Variants in ZNF248 observed in about 807,000 individuals in gnomAD.
ZNF248 encodes the protein zinc finger protein 248, also known as KRAB protein domain.
In ZNF248, 20 loss-of-function variants were observed where a neutral mutation model predicts 44.3. That is an observed-to-expected ratio of 0.45 (90% CI 0.32 to 0.66). The LOEUF (loss-of-function observed/expected upper bound fraction) is 0.66, where lower values mean the gene tolerates loss of function less well. ZNF248 is among the 30% of genes least tolerant of loss of function. The probability of loss-of-function intolerance (pLI) is 0.04; values close to 1 mark genes in which losing one functional copy is unlikely to be tolerated. For missense variants in ZNF248, 654 were observed against 677.0 expected (o/e 0.97, Z 0.38); for synonymous variants, 224 against 229.0 (o/e 0.98, Z 0.20).
At chr10:37,811,108 A>G (rs2051420443) in intron 6 of ZNF248, among the ~76,000 whole-genome samples, 3 of 152,248 alleles carry the variant, frequency 2.0e-5, no homozygotes, top group African/African-American at 7.2e-5. Flanking sequence ...AAGTGCTCCC[A>G]AGAAGCAGAG....
rs546015758 is a variant in ZNF248 at position 37,831,205 on chromosome 10, C to T, written c.*410G>A. On this transcript the variant is annotated 3_prime_UTR_variant, in exon 6 of 6. Transcript: ENST00000395867. Reference sequence around the variant, plus strand: ...AGTTCCAATATACAAATCAAGCATACTCAAATTTATATATTTGCATACTCA... The same window carrying T: ...AGTTCCAATATACAAATCAAGCATATTCAAATTTATATATTTGCATACTCA... The T allele has an allele frequency of 1.9e-6, 3 of 1,542,600 alleles. No homozygotes were observed. Among genetic ancestry groups the T allele is most frequent in the East Asian group, 2.5e-5 (1 of 40,668 alleles).
At chr10:37,775,431 T>A (rs961526365), downstream of ZNF248, 2 of 152,140 alleles carry the variant, frequency 1.3e-5, no homozygotes, top group Non-Finnish European at 2.9e-5. Context: ...GGGGTGGTCA[T>A]GCGAGATCTG....
At chr10:37,808,593 A>G (rs1321788309) in intron 6 of ZNF248, among the ~76,000 whole-genome samples, 1 of 152,068 alleles carries the variant, frequency 6.6e-6, no homozygotes, top group Non-Finnish European at 1.5e-5. Flanking sequence ...CTGGTACACA[A>G]TCTTTTCAAC....
chr10:37,788,842 C>G (rs2048183676), intron 6 of ZNF248, among the ~76,000 whole-genome samples: 1 of 151,540 alleles, frequency 6.6e-6, no homozygotes, highest in African/African-American at 2.4e-5. Context: ...GTTAGACATA[C>G]AAGACTAAAT....
In ZNF248 at chr10:37,829,523, C is replaced by T; in HGVS notation, c.*2092G>A. On this transcript the variant is annotated 3_prime_UTR_variant, in exon 6 of 6. Transcript: ENST00000395867. ...ATATTCCTCTGTGTCAGCTGGAATG[C>T]CTTCAGCTCTAAGTATCAGACAGCC... is the stretch of plus-strand genomic sequence containing the variant. The T allele has an allele frequency of 1.0e-6, 1 of 985,348 alleles. No homozygotes were observed. The highest frequency in any genetic ancestry group is 1.2e-6 in the Non-Finnish European group (1 of 829,918). 61.0% of individuals were successfully genotyped at this position (985,348 alleles called of 1,614,324 possible).
chr10:37,828,043 G>A (rs2133799547), downstream of ZNF248, among the ~76,000 whole-genome samples: 2 of 152,276 alleles, frequency 1.3e-5, no homozygotes, highest in South Asian at 4.1e-4. Context: ...GTGCACTGGG[G>A]GATAAACTGT....
At chr10:37,810,896 T>C (rs957185590) in intron 6 of ZNF248, among the ~76,000 whole-genome samples, 4 of 152,204 alleles carry the variant, frequency 2.6e-5, no homozygotes, top group Middle Eastern at 3.2e-3. Context: ...CCTGTTGCTA[T>C]TGTGGTGAGC....
rs192683138 is a variant in ZNF248 at position 37,845,750 on chromosome 10, G to T, written c.16-7639C>A. ...AGCCTAGAAATGAAGGGGGATAAAT[G>T]GAGTCAACATGTTTCAAAGTTACAG... On this transcript the variant is annotated intron_variant, in intron 3 of 5. Coordinates refer to ENST00000395867, the MANE Select transcript of ZNF248 (RefSeq NM_021045.3). Among the ~76,000 whole-genome samples the T allele has an allele frequency of 2.6e-3, 395 of 152,122 alleles. 2 individuals carry two copies. The highest frequency in any genetic ancestry group is 8.8e-3 in the African/African-American group (367 of 41,510).
chr10:37,796,605 G>A (rs1032445756), intron 6 of ZNF248, among the ~76,000 whole-genome samples: 8 of 151,830 alleles, frequency 5.3e-5, no homozygotes, highest in African/African-American at 1.7e-4. Flanking sequence ...TATGAGTGCT[G>A]ATATAGTCAT....
the ZNF248 span, among the ~76,000 whole-genome samples, chr10:37,761,082 T>C: frequency 6.6e-6 from 1 of 152,180 alleles, no homozygotes; most frequent in African/African-American, 2.4e-5. Context: ...AATGTCCATA[T>C]GGTAACTTTT....
chr10:37,839,691 G>A (rs1370095054), intron 3 of ZNF248, among the ~76,000 whole-genome samples: 1 of 152,086 alleles, frequency 6.6e-6, no homozygotes, highest in Non-Finnish European at 1.5e-5. Flanking sequence ...AAAACTGAGA[G>A]GAGTAAAAGG....
chr10:37,852,317 A>C (rs999413669), intron 3 of ZNF248, among the ~76,000 whole-genome samples: 2 of 152,144 alleles, frequency 1.3e-5, no homozygotes, highest in African/African-American at 2.4e-5. Context: ...TGAACTGTTG[A>C]CACATATACA....
chr10:37,778,098 G>A (rs2046814212), intron 6 of ZNF248, among the ~76,000 whole-genome samples: 1 of 152,102 alleles, frequency 6.6e-6, no homozygotes, highest in South Asian at 2.1e-4. Context: ...CTAGATCCCT[G>A]AGGAATCGCC....
In ZNF248 at chr10:37,831,649, A is replaced by G; in HGVS notation, c.1706T>C (p.Ile569Thr). The change falls in exon 6 of 6, where the codon ATT becomes ACT. Residue 569 changes from isoleucine to threonine, a missense_variant. Ile to Thr is a moderately conservative substitution (Grantham distance 89). Transcript: ENST00000395867. Reference sequence around the variant, plus strand: ...TGAAAGAGCTTTCACCCTTGTGTGAATTCTCTGATGTTTGGTGAGCACTGA... The same window carrying G: ...TGAAAGAGCTTTCACCCTTGTGTGAGTTCTCTGATGTTTGGTGAGCACTGA... ...QRSVLTKHQRIHTRVKALSTS is the reference protein window; with the variant it reads ...QRSVLTKHQRTHTRVKALSTS 1 of 1,613,814 alleles carries G rather than the reference A, an allele frequency of 6.2e-7. No individual in the cohort carries two copies. Among genetic ancestry groups the G allele is most frequent in the Non-Finnish European group, 8.5e-7 (1 of 1,179,800 alleles).
At chr10:37,834,885 T>A (rs2056785082) in intron 5 of ZNF248, among the ~76,000 whole-genome samples, 1 of 152,164 alleles carries the variant, frequency 6.6e-6, no homozygotes, top group Non-Finnish European at 1.5e-5. Flanking sequence ...GGATTTGACA[T>A]AAATTTTAGG....
At chr10:37,785,449 G>C (rs1159689685) in intron 6 of ZNF248, among the ~76,000 whole-genome samples, 1 of 152,136 alleles carries the variant, frequency 6.6e-6, no homozygotes, top group East Asian at 1.9e-4. Context: ...CAACAAAAAT[G>C]GTGCATTGGG....
At chr10:37,795,327 C>G (rs1464286666) in intron 6 of ZNF248, 1 of 152,138 alleles carries the variant, frequency 6.6e-6, no homozygotes. Flanking sequence ...GAGGCTCTCC[C>G]CTGTATGTGC....
chr10:37,856,201 C>A, intron 3 of ZNF248, 95 bp downstream of exon 3: 1 of 1,403,422 alleles, frequency 7.1e-7, no homozygotes, highest in Non-Finnish European at 9.8e-7. Context: ...TCAATTTTTG[C>A]CTATTTCTAT....
intron 6 of ZNF248, among the ~76,000 whole-genome samples, chr10:37,796,594 T>C (rs183156081): frequency 6.6e-6 from 1 of 152,278 alleles, no homozygotes; most frequent in Non-Finnish European, 1.5e-5. Context: ...TCACAGCTTT[T>C]TATGAGTGCT....
Sources: gnomAD v4.1 joint callset for allele counts (sites outside exome capture counted in the v4.1 genomes callset) on GRCh38, gnomAD v4.1.1 for gene constraint, MANE v1.5 for transcripts, NCBI Gene and HGNC (gene_info 2026-07-23, HGNC 2026-07-21) for gene names.